Variants in SH2B1 observed in about 807,000 individuals in gnomAD.
The protein encoded by SH2B1 is SH2B adaptor protein 1.
In SH2B1, 15 loss-of-function variants were observed where a neutral mutation model predicts 62.6. The observed-to-expected ratio is 0.24, with a 90% CI of 0.16 to 0.37. SH2B1 has a LOEUF of 0.37. Among genes scored for constraint, SH2B1 ranks in the 10% least tolerant of loss-of-function variants. The pLI is 1.00. For synonymous variants in SH2B1, 443 were observed against 438.0 expected (o/e 1.01, Z -0.14); for missense variants, 925 against 1,015.6 (o/e 0.91, Z 1.21).
intron 1 of SH2B1, among the ~76,000 whole-genome samples, chr16:28,851,904 T>A (rs1962106993): frequency 6.7e-6 from 1 of 150,002 alleles, no homozygotes; most frequent in Non-Finnish European, 1.5e-5. Context: ...CCGTCTCTAT[T>A]AAAAATACAA....
rs747644685 is a variant in SH2B1 at position 28,871,791 on chromosome 16, G to A, written c.1321G>A (p.Gly441Ser). Reference sequence around the variant, plus strand: ...CTTTTTTTTTCCAGGGGCATATGGGGGCCTCTCAGACCGCCCCTCGGCATC... The same window carrying A: ...CTTTTTTTTTCCAGGGGCATATGGGAGCCTCTCAGACCGCCCCTCGGCATC... The part of the protein sequence containing the change: ...NDRLSQGAYG[G>S]LSDRPSASIS... Residue 441 changes from glycine to serine, a missense_variant, in exon 5 of 8, where the codon GGC (glycine) becomes AGC (serine). Around this residue, in one of 3 missense-constraint regions of SH2B1, gnomAD observed 683 missense variants for 704.0 expected, o/e 0.97. Transcript: ENST00000684370. 6.2e-7 allele frequency: 1 copy of A among 1,613,928 alleles called. No homozygotes were observed. The highest frequency in any genetic ancestry group is 8.5e-7 in the Non-Finnish European group (1 of 1,179,898).
chr16:28,862,643 T>C (rs1168917427), upstream of SH2B1: 1 of 123,746 alleles, frequency 8.1e-6, no homozygotes, highest in African/African-American at 3.1e-5. Context: ...TGATAGGGAG[T>C]CTAGCTCTGT....
intron 1 of SH2B1, among the ~76,000 whole-genome samples, chr16:28,855,455 G>A (rs919646623): frequency 4.6e-5 from 7 of 152,010 alleles, no homozygotes; most frequent in Non-Finnish European, 1.0e-4. Flanking sequence ...TCCTGGCCTC[G>A]AGTGATCTGC....
rs761853291 is a variant in SH2B1, at chr16:28,873,469, A to G, written c.1920A>G (p.Pro640=). The part of the protein sequence containing the change: ...RQQEPTTSHD[P]PQPPEPPSWT... ...CAGAACCGACCACCTCCCATGACCCACCCCAGCCCCCTGAACCCCCTTCAT... is the reference window on the plus strand; with the variant it reads ...CAGAACCGACCACCTCCCATGACCCGCCCCAGCCCCCTGAACCCCCTTCAT... Residue 640 remains proline (P), a synonymous_variant, in exon 8 of 8, where the codon CCA becomes CCG. Coordinates refer to ENST00000684370, the MANE Select transcript of SH2B1 (RefSeq NM_001387430.1). The surrounding 1 kb of genome is among the most constrained non-coding windows in gnomAD (Gnocchi z 4.2). 1 of 1,556,868 alleles carries G rather than the reference A, an allele frequency of 6.4e-7. No individual in the cohort carries two copies. The highest frequency in any genetic ancestry group is 2.0e-5 in the Admixed American group (1 of 50,906).
chr16:28,868,617 G>T (rs555053159), intron 2 of SH2B1, among the ~76,000 whole-genome samples: 1 of 152,116 alleles, frequency 6.6e-6, no homozygotes, highest in East Asian at 1.9e-4. Context: ...CTGCCACCAC[G>T]CCTGGCTAAT....
Position 28,873,161 on chromosome 16 carries a change from T to A in SH2B1, c.1898-286T>A, listed in dbSNP as rs1963139080. 4 of 1,543,056 alleles carry A rather than the reference T, an allele frequency of 2.6e-6. No homozygotes were observed. In the African/African-American group the frequency reaches 5.5e-5, roughly 21 times the overall value. On this transcript the variant is annotated intron_variant, in intron 7 of 7. Transcript: ENST00000684370. The surrounding 1 kb of genome is among the most constrained non-coding windows in gnomAD (Gnocchi z 4.2). The stretch of plus-strand genomic sequence containing the variant: ...GTCCCATCTGTCCCCACGTTGCCCC[T>A]CCCCCCAGGCCGGGAGCAGGCTGGG...
In SH2B1 at chr16:28,866,748, G is replaced by A. The variant is rs138736485; in HGVS notation, c.654G>A (p.Thr218=). The A allele has an allele frequency of 1.4e-5, 22 of 1,577,662 alleles. No homozygotes were observed. The highest frequency in any genetic ancestry group is 7.2e-5 in the Admixed American group (4 of 55,690). The change falls in exon 1 of 8, where the codon ACG becomes ACA. Residue 218 remains threonine (T), a synonymous_variant. Coordinates refer to ENST00000684370, the MANE Select transcript of SH2B1 (RefSeq NM_001387430.1). This position sits in a 1 kb window ranked among gnomAD's most constrained non-coding sequence, Gnocchi z 6.3. ...GTAGGGGACTGGTCAGTGATGGAAC[G>A]TCCCCTGGGGAAAGATGGACTCACC... The part of the protein sequence containing the change: ...TVGRGLVSDG[T]SPGERWTHRF...
At chr16:28,857,550 T>C (rs1962346664) in intron 1 of SH2B1, among the ~76,000 whole-genome samples, 1 of 152,134 alleles carries the variant, frequency 6.6e-6, no homozygotes, top group Non-Finnish European at 1.5e-5. Flanking sequence ...AGGAAAGCAC[T>C]ACACTTGGGA....
chr16:28,865,596 G>A lies in SH2B1; in HGVS notation c.-499G>A, dbSNP rs547618221. ...TGAGCTTCGGTTTCCTCATCTGTTC[G>A]AGAGGTCTTTGAAACCTCTCAGGGA... On this transcript the variant is annotated 5_prime_UTR_variant, in exon 1 of 8. Coordinates refer to ENST00000684370, the MANE Select transcript of SH2B1 (RefSeq NM_001387430.1). The A allele has an allele frequency of 5.2e-5, 51 of 986,252 alleles. 1 individual carries two copies. Among genetic ancestry groups the A allele is most frequent in the Middle Eastern group, 1.0e-3 (2 of 1,916 alleles). 61.1% of individuals were successfully genotyped at this position (986,252 alleles called of 1,614,324 possible).
intron 1 of SH2B1, among the ~76,000 whole-genome samples, chr16:28,852,759 T>TAC (rs1491312959): frequency 5.3e-5 from 1 of 18,766 alleles, no homozygotes; most frequent in African/African-American, 1.7e-4. Flanking sequence ...CATATATATG[T>TAC]ATATATATAT....
chr16:28,863,471 G>C (rs956625692), upstream of SH2B1: 3 of 539,400 alleles, frequency 5.6e-6, no homozygotes, highest in South Asian at 7.2e-5. Context: ...GGCTGCAGCG[G>C]GCCGTTCACA....
chr16:28,860,828 A>G (rs1178217930), upstream of SH2B1, among the ~76,000 whole-genome samples: 1 of 146,106 alleles, frequency 6.8e-6, no homozygotes, highest in Admixed American at 6.8e-5. Context: ...TTTTTTTTTA[A>G]TTTCTTGAGA....
upstream of SH2B1, among the ~76,000 whole-genome samples, chr16:28,860,486 G>A (rs960204084): frequency 4.6e-5 from 7 of 151,888 alleles, no homozygotes; most frequent in African/African-American, 1.5e-4. Flanking sequence ...CAGGTGATCC[G>A]CCTGCCTTGG....
In SH2B1 at chr16:28,873,924, A is replaced by G; in HGVS notation, c.*104A>G. ...CGAAATCCCTCCCCCATGCTTCCTGACCCTTGTTGGCCAAGGGCATCTTTG... is the reference window on the plus strand; with the variant it reads ...CGAAATCCCTCCCCCATGCTTCCTGGCCCTTGTTGGCCAAGGGCATCTTTG... On this transcript the variant is annotated 3_prime_UTR_variant, in exon 8 of 8. Transcript: ENST00000684370. This position sits in a 1 kb window ranked among gnomAD's most constrained non-coding sequence, Gnocchi z 4.2. 1 of 1,201,118 alleles carries G rather than the reference A, an allele frequency of 8.3e-7. No homozygotes were observed. Among genetic ancestry groups the G allele is most frequent in the Non-Finnish European group, 1.1e-6 (1 of 932,472 alleles). The allele number at this position is 1,201,118 out of a possible 1,614,324, so 74.4% of individuals were successfully genotyped here.
At position 28,871,886 on chromosome 16, in the gene SH2B1, GC is replaced by G; in HGVS notation, c.1423del (p.Arg475AlafsTer68). ...DSMELLPPEL[P>X]PRIPIEEGPP... ...CGATGGAACTGCTTCCCCCAGAGTT[GC>G]CCCCCCGCATCCCCATTGAAGAGGG... On this transcript the variant is annotated frameshift_variant, in exon 5 of 8. Coordinates refer to ENST00000684370, the MANE Select transcript of SH2B1 (RefSeq NM_001387430.1). LOFTEE classifies it high-confidence loss of function. 1.9e-5 allele frequency: 29 copies of G among 1,521,752 alleles called. No individual in the cohort carries two copies. Among genetic ancestry groups the G allele is most frequent in the Non-Finnish European group, 2.4e-5 (27 of 1,103,574 alleles). 94.3% of individuals were successfully genotyped at this position (1,521,752 alleles called of 1,614,324 possible). A position where few individuals can be genotyped will look rare whatever the true frequency, so the allele number is the denominator to read the frequency against.
chr16:28,860,725 TC>T (rs372421932), upstream of SH2B1, among the ~76,000 whole-genome samples: 17 of 152,090 alleles, frequency 1.1e-4, no homozygotes, highest in African/African-American at 4.1e-4. Context: ...TTTGCCCATT[TC>T]CCCCCGACAC....
chr16:28,858,005 C>G (rs1433505851), intron 1 of SH2B1, among the ~76,000 whole-genome samples: 2 of 152,002 alleles, frequency 1.3e-5, no homozygotes, highest in Non-Finnish European at 2.9e-5. Context: ...TCCCAAAGTG[C>G]TGGGATTACA....
chr16:28,860,054 G>C (rs1962407584), upstream of SH2B1, among the ~76,000 whole-genome samples: 1 of 151,926 alleles, frequency 6.6e-6, no homozygotes, highest in African/African-American at 2.4e-5. Flanking sequence ...CCGCAACCTT[G>C]CTCCTTCAGC....
intron 1 of SH2B1, among the ~76,000 whole-genome samples, chr16:28,852,496 A>G (rs1962156297): frequency 1.4e-5 from 1 of 72,944 alleles, no homozygotes; most frequent in South Asian, 5.0e-4. Context: ...ATACATACAT[A>G]TATTTATATA....
Sources: allele counts gnomAD v4.1 joint callset (sites outside exome capture counted in the v4.1 genomes callset), GRCh38; gene constraint gnomAD v4.1.1; regional missense constraint gnomAD v4.1.1; non-coding constraint Gnocchi (gnomAD v3.1); transcripts MANE v1.5; gene names NCBI Gene and HGNC (gene_info 2026-07-23, HGNC 2026-07-21).